Variants in GALC observed in about 807,000 individuals in gnomAD.
GALC encodes the protein galactocerebrosidase.
In GALC, 77 loss-of-function variants were observed where a neutral mutation model predicts 91.8. The ratio of observed to expected loss-of-function variants is 0.84; its 90% CI spans 0.70 to 1.01. The LOEUF is 1.01. Among genes scored for constraint, GALC ranks in the 50% least tolerant of loss-of-function variants. The pLI, the probability that GALC is intolerant of heterozygous loss-of-function variation, is 0.00. For synonymous variants in GALC, 357 were observed against 306.7 expected, an observed-to-expected ratio of 1.16 and a Z score of -1.71; for missense variants, 882 against 855.9, an observed-to-expected ratio of 1.03 and a Z score of -0.38.
intron 6 of GALC, among the ~76,000 whole-genome samples, chr14:87,979,178 C>G (rs1886638387): frequency 6.6e-6 from 1 of 152,130 alleles, no homozygotes; most frequent in African/African-American, 2.4e-5. Flanking sequence ...GCGTCTGCCA[C>G]CATGCCCGGC....
chr14:87,965,983 ACTTTC>A (rs1004402467), intron 8 of GALC, among the ~76,000 whole-genome samples: 12 of 152,166 alleles, frequency 7.9e-5, no homozygotes, highest in South Asian at 2.1e-4. Flanking sequence ...GTGCATACCT[ACTTTC>A]CTTTCAACAG....
At chr14:87,969,236 T>G (rs965477633) in intron 7 of GALC, among the ~76,000 whole-genome samples, 3 of 152,144 alleles carry the variant, frequency 2.0e-5, no homozygotes, top group Admixed American at 2.0e-4. Context: ...TACTAGCATC[T>G]AGAGAAGAGA....
chr14:87,989,464 T>A (rs1488756530), intron 1 of GALC: 1 of 152,268 alleles, frequency 6.6e-6, no homozygotes, highest in Non-Finnish European at 1.5e-5. Context: ...TCTTTCCATC[T>A]ACCTCAATAT....
chr14:87,952,750 ATGTGAAAGATTACTTTGTACATTC>A (rs1885364244), intron 10 of GALC: 5 of 1,525,698 alleles, frequency 3.3e-6, no homozygotes, highest in Middle Eastern at 2.4e-4. Flanking sequence ...AGACATGTTC[ATGTGAAAGATTACTTTGTACATTC>A]TGTTTCTGAA....
chr14:87,964,970 C>A (rs868276223), intron 9 of GALC, among the ~76,000 whole-genome samples: 53 of 152,076 alleles, frequency 3.5e-4, no homozygotes, highest in African/African-American at 1.2e-3. Flanking sequence ...TACCTTTTCA[C>A]AACCCACATT....
upstream of GALC, chr14:87,993,442 C>G: frequency 6.5e-7 from 1 of 1,535,830 alleles, no homozygotes; most frequent in Non-Finnish European, 8.7e-7. Context: ...AGGTGGATTC[C>G]AAGGTCCGCC....
chr14:87,980,307 G>A (rs147561088), intron 6 of GALC, among the ~76,000 whole-genome samples: 17,058 of 151,504 alleles, frequency 0.11, 1,116 homozygotes, highest in Non-Finnish European at 0.16. Context: ...GCTTAAATCC[G>A]GGAGGCAGAG....
chr14:87,963,480 C>A lies in GALC; in HGVS notation c.1065G>T (p.Trp355Cys). Residue 355 changes from tryptophan (W) to cysteine (C), a missense_variant, in exon 10 of 17, where the codon TGG (tryptophan) becomes TGT (cysteine). Coordinates refer to ENST00000261304, the MANE Select transcript of GALC (RefSeq NM_000153.4). ...AHTTQFTQPG[W>C]YYLKTVGHLE... ...AATGGCCAACTGTCTTCAGGTAATA[C>A]CAGCCAGGTTGAGTAAACTGAGTGG... The A allele has an allele frequency of 6.2e-7, 1 of 1,612,882 alleles. No individual in the cohort carries two copies. Among genetic ancestry groups the A allele is most frequent in the Admixed American group, 1.7e-5 (1 of 59,950 alleles).
chr14:87,966,936 T>C (rs1037380915), intron 8 of GALC, among the ~76,000 whole-genome samples: 1 of 152,178 alleles, frequency 6.6e-6, no homozygotes, highest in Non-Finnish European at 1.5e-5. Context: ...GTTTCCCAAC[T>C]TGTGTGGCAT....
At chr14:87,957,336 T>G (rs997893542) in intron 10 of GALC, among the ~76,000 whole-genome samples, 5 of 152,150 alleles carry the variant, frequency 3.3e-5, no homozygotes, top group African/African-American at 1.2e-4. Flanking sequence ...CCTAGGCCAA[T>G]GTACAGAAGA....
intron 1 of GALC, among the ~76,000 whole-genome samples, chr14:87,989,404 C>G (rs571024841): frequency 6.6e-6 from 1 of 152,212 alleles, no homozygotes; most frequent in African/African-American, 2.4e-5. Context: ...CCAAAACATC[C>G]CCAGTCCCTA....
chr14:87,952,500 C>A, intron 10 of GALC: 1 of 635,596 alleles, frequency 1.6e-6, no homozygotes. Flanking sequence ...TGCCTAATAT[C>A]CTGTTGAGAA....
At chr14:87,956,576 C>A (rs1181913223) in intron 10 of GALC, among the ~76,000 whole-genome samples, 1 of 129,620 alleles carries the variant, frequency 7.7e-6, no homozygotes, top group African/African-American at 2.7e-5. Flanking sequence ...TATATATATA[C>A]ACACACACCA....
At chr14:87,981,904 T>C (rs982135828) in intron 6 of GALC, among the ~76,000 whole-genome samples, 1 of 152,200 alleles carries the variant, frequency 6.6e-6, no homozygotes, top group African/African-American at 2.4e-5. Flanking sequence ...AATGATATAA[T>C]TGTTTCATAA....
At chr14:87,952,171 A>G (rs1885337836) in intron 10 of GALC, among the ~76,000 whole-genome samples, 2 of 151,764 alleles carry the variant, frequency 1.3e-5, no homozygotes, top group Non-Finnish European at 2.9e-5. Flanking sequence ...AAACCACAAG[A>G]AAATAATAAA....
intron 7 of GALC, among the ~76,000 whole-genome samples, chr14:87,975,484 C>A (rs370161836): frequency 4.6e-5 from 7 of 152,030 alleles, no homozygotes; most frequent in Admixed American, 2.0e-4. Flanking sequence ...TCTTTGGAGA[C>A]ACATACACAG....
intron 10 of GALC, chr14:87,953,136 A>C: frequency 2.0e-6 from 3 of 1,484,758 alleles, no homozygotes; most frequent in Non-Finnish European, 2.8e-6. Context: ...TTCCTTGAAC[A>C]CAGTAGATAA....
intron 10 of GALC, among the ~76,000 whole-genome samples, chr14:87,961,497 A>C (rs990580946): frequency 5.9e-5 from 9 of 152,136 alleles, no homozygotes; most frequent in African/African-American, 1.7e-4. Context: ...TTCACAGAAA[A>C]ACTTGTACAC....
At chr14:87,962,633 T>A (rs1052334852) in intron 10 of GALC, among the ~76,000 whole-genome samples, 1 of 151,186 alleles carries the variant, frequency 6.6e-6, no homozygotes, top group African/African-American at 2.4e-5. Context: ...ACCATTTTTT[T>A]AAGGCTACTC....
Sources: allele counts gnomAD v4.1 joint callset (sites outside exome capture counted in the v4.1 genomes callset), GRCh38; gene constraint gnomAD v4.1.1; transcripts MANE v1.5; gene names NCBI Gene and HGNC (gene_info 2026-07-23, HGNC 2026-07-21).